Variants in KPNA7 observed in about 807,000 individuals in gnomAD.
KPNA7 encodes importin subunit alpha-8.
In KPNA7, 54 loss-of-function variants were observed where a neutral mutation model predicts 53.7. The observed-to-expected ratio is 1.01, with a 90% CI of 0.81 to 1.26. KPNA7 has a LOEUF of 1.26. Ranked by LOEUF, KPNA7 falls within the 50% of genes most tolerant of loss-of-function variation. The pLI is 0.00. For synonymous variants in KPNA7, 276 were observed against 259.3 expected, an observed-to-expected ratio of 1.06 and a Z score of -0.62; for missense variants, 640 against 644.5, an observed-to-expected ratio of 0.99 and a Z score of 0.07.
rs542057311 is a variant in KPNA7 at position 99,173,895 on chromosome 7, C to G, written c.1465-101G>C. 3 of 704,468 alleles carry G rather than the reference C, an allele frequency of 4.3e-6. No homozygotes were observed. In the South Asian group the frequency reaches 5.4e-5, roughly 13 times the overall value. 43.6% of individuals were successfully genotyped at this position (704,468 alleles called of 1,614,324 possible). A position where few individuals can be genotyped will look rare whatever the true frequency, so the allele number is the denominator to read the frequency against. On this transcript the variant is annotated intron_variant, in intron 10 of 10. Coordinates refer to ENST00000327442, the MANE Select transcript of KPNA7 (RefSeq NM_001145715.3). ...CTTGTAACAAAATTGACCCTCTTAACCATGTTTAAGCAGGTAGCTTAGTAG... is the reference window on the plus strand; with the variant it reads ...CTTGTAACAAAATTGACCCTCTTAAGCATGTTTAAGCAGGTAGCTTAGTAG...
chr7:99,200,378 C>T (rs970984575), intron 3 of KPNA7, among the ~76,000 whole-genome samples: 1 of 152,100 alleles, frequency 6.6e-6, no homozygotes, highest in African/African-American at 2.4e-5. Context: ...TAAGAATCAT[C>T]GAATGCCAGG....
At chr7:99,162,169 C>T in the KPNA7 span, among the ~76,000 whole-genome samples, 6 of 151,706 alleles carry the variant, frequency 4.0e-5, no homozygotes, top group Non-Finnish European at 7.4e-5. Context: ...CCTTGCCTCC[C>T]GAGTAACTGG....
chr7:99,165,614 C>T, the KPNA7 span, among the ~76,000 whole-genome samples: 1 of 152,174 alleles, frequency 6.6e-6, no homozygotes, highest in African/African-American at 2.4e-5. Flanking sequence ...AGACTAACAC[C>T]CAAACACCGT....
intron 10 of KPNA7, among the ~76,000 whole-genome samples, chr7:99,174,909 C>CA (rs1477618670): frequency 6.6e-6 from 1 of 151,514 alleles, no homozygotes; most frequent in Non-Finnish European, 1.5e-5. Context: ...TTTCTGGGTT[C>CA]AAGTGATTCT....
chr7:99,194,975 C>T, intron 5 of KPNA7, 95 bp downstream of exon 5: 5 of 1,370,226 alleles, frequency 3.6e-6, no homozygotes, highest in Non-Finnish European at 3.9e-6. Context: ...GCAAAGTGTT[C>T]TGGGACATCG....
rs67877761 is a variant in KPNA7, at chr7:99,199,065, G to GAAAA, written c.202-2903_202-2900dup. 3.5e-3 allele frequency among the ~76,000 whole-genome samples: 216 copies of GAAAA among 61,080 alleles called. 2 individuals are homozygous for GAAAA. Among genetic ancestry groups the GAAAA allele is most frequent in the African/African-American group, 9.6e-3 (143 of 14,852 alleles). 40.1% of individuals were successfully genotyped at this position (61,080 alleles called of 152,430 possible). A position where few individuals can be genotyped will look rare whatever the true frequency, so the allele number is the denominator to read the frequency against. On this transcript the variant is annotated intron_variant, in intron 3 of 10. Coordinates refer to ENST00000327442, the MANE Select transcript of KPNA7 (RefSeq NM_001145715.3). ...ATCCAAGAGTTATATGCTGCAAACTGAAAAAAAAAAAAAAAAAAAAAAAGG... is the reference window on the plus strand; with the variant it reads ...ATCCAAGAGTTATATGCTGCAAACTGAAAAAAAAAAAAAAAAAAAAAAAAAAAGG...
chr7:99,213,351 A>G (rs1791124164), intron 1 of KPNA7, among the ~76,000 whole-genome samples: 1 of 150,382 alleles, frequency 6.6e-6, no homozygotes, highest in Non-Finnish European at 1.5e-5. Flanking sequence ...GATGGTCTCA[A>G]ACTCTTGACC....
At chr7:99,161,039 T>C in the KPNA7 span, among the ~76,000 whole-genome samples, 1 of 152,110 alleles carries the variant, frequency 6.6e-6, no homozygotes, top group Non-Finnish European at 1.5e-5. Context: ...TTTCGTATAT[T>C]TTAGTAAAGA....
chr7:99,183,876 A>G (rs1401569886), intron 8 of KPNA7, among the ~76,000 whole-genome samples: 1 of 151,972 alleles, frequency 6.6e-6, no homozygotes, highest in Non-Finnish European at 1.5e-5. Context: ...CGACAGTTTT[A>G]CTCTTGCTGC....
rs368828117 is a variant in KPNA7 at position 99,202,034 on chromosome 7, C to T, written c.201+1072G>A. Among the ~76,000 whole-genome samples, 6 of 152,016 alleles carry T rather than the reference C, an allele frequency of 3.9e-5. No individual in the cohort carries two copies. The East Asian group carries it at 5.8e-4, about 15-fold the overall frequency. ...TTTTTCCCTTTTGTTTTATACCATC[C>T]TTGGATGGGGGGATTCTAGGGACTG... On this transcript the variant is annotated intron_variant, in intron 3 of 10. Coordinates refer to ENST00000327442, the MANE Select transcript of KPNA7 (RefSeq NM_001145715.3).
At chr7:99,183,851 GTTTT>G (rs1209016257) in intron 8 of KPNA7, among the ~76,000 whole-genome samples, 1 of 151,998 alleles carries the variant, frequency 6.6e-6, no homozygotes, top group Non-Finnish European at 1.5e-5. Flanking sequence ...ATGTTTTTTT[GTTTT>G]TGTTTTTTTG....
intron 6 of KPNA7, among the ~76,000 whole-genome samples, chr7:99,191,602 C>G (rs1477623399): frequency 6.6e-6 from 1 of 152,142 alleles, no homozygotes; most frequent in Admixed American, 6.6e-5. Flanking sequence ...CTTAAACTCT[C>G]TCGGTCATGG....
In KPNA7 at chr7:99,188,350, C is replaced by T. The variant is rs528934094; in HGVS notation, c.850G>A (p.Val284Ile). Residue 284 changes from valine (V) to isoleucine (I), a missense_variant, in exon 7 of 11, where the codon GTC becomes ATC. By Grantham distance (29) the Val-to-Ile change is conservative (BLOSUM62 3). Coordinates refer to ENST00000327442, the MANE Select transcript of KPNA7 (RefSeq NM_001145715.3). ...KRIGQVVNTG[V>I]LPRLVVLMTS... ...ATGAGCACTACCAGCCTGGGCAGGA[C>T]CCCCGTGTTAACCACTTGGCCGATG... 2 of 1,551,510 alleles carry T rather than the reference C, an allele frequency of 1.3e-6. No individual in the cohort carries two copies. Among genetic ancestry groups the T allele is most frequent in the Non-Finnish European group, 8.7e-7 (1 of 1,146,976 alleles).
At chr7:99,216,151 C>CA (rs1320733112) in intron 1 of KPNA7, among the ~76,000 whole-genome samples, 1 of 152,008 alleles carries the variant, frequency 6.6e-6, no homozygotes. Context: ...CTCAGCCTCC[C>CA]AAAGGAGCTG....
upstream of KPNA7, among the ~76,000 whole-genome samples, chr7:99,212,355 T>A (rs1289109131): frequency 1.3e-5 from 2 of 148,510 alleles, no homozygotes; most frequent in East Asian, 4.1e-4. Context: ...GCAATTCTCC[T>A]GCCTCAGCCT....
At chr7:99,159,091 C>T in the KPNA7 span, among the ~76,000 whole-genome samples, 1 of 152,042 alleles carries the variant, frequency 6.6e-6, no homozygotes, top group Non-Finnish European at 1.5e-5. Flanking sequence ...TCTTGAACTC[C>T]TGACCTTAGG....
In KPNA7 at chr7:99,178,023, A is replaced by G; in HGVS notation, c.1361T>C (p.Ile454Thr). ...RSEKENLCLL[I>T]EELGGIDRIE... ...TCTATCGATCCCACCAAGTTCTTCT[A>G]TCAGAAGACACAGGTTTTCCTTCTC... The change falls in exon 10 of 11, where the codon ATA becomes ACA. Residue 454 changes from isoleucine to threonine, a missense_variant. Transcript: ENST00000327442. The G allele has an allele frequency of 6.4e-7, 1 of 1,551,672 alleles. No homozygotes were observed. The highest frequency in any genetic ancestry group is 1.4e-5 in the African/African-American group (1 of 73,140).
upstream of KPNA7, among the ~76,000 whole-genome samples, chr7:99,209,455 T>C (rs1185397084): frequency 6.6e-6 from 1 of 151,578 alleles, no homozygotes; most frequent in Non-Finnish European, 1.5e-5. Context: ...GTACATGTGA[T>C]TGTGGATCAC....
rs1461047642 is a variant in KPNA7 at position 99,196,173 on chromosome 7, G to A, written c.202-7C>T. The A allele has an allele frequency of 5.2e-6, 8 of 1,548,880 alleles. No homozygotes were observed. In the South Asian group the frequency reaches 8.3e-5, roughly 16 times the overall value. ...CACCCAGAGTGAGGCTGACCTGCAAGAAGAGACACATTCAGGTCAGACTGT... is the reference window on the plus strand; with the variant it reads ...CACCCAGAGTGAGGCTGACCTGCAAAAAGAGACACATTCAGGTCAGACTGT... On this transcript the variant is annotated splice_polypyrimidine_tract_variant and splice_region_variant and intron_variant, in intron 3 of 10. Coordinates refer to ENST00000327442, the MANE Select transcript of KPNA7 (RefSeq NM_001145715.3).
Sources: gnomAD v4.1 joint callset for allele counts (sites outside exome capture counted in the v4.1 genomes callset) on GRCh38, gnomAD v4.1.1 for gene constraint, MANE v1.5 for transcripts, NCBI Gene and HGNC (gene_info 2026-07-23, HGNC 2026-07-21) for gene names.